PIAS2: variants seen among roughly 807,000 people sequenced by gnomAD.
PIAS2 encodes protein inhibitor of activated STAT 2, also known as E3 SUMO-protein ligase PIAS2.
PIAS2 carries 19 observed loss-of-function variants against 69.7 expected under a neutral mutation model. The ratio of observed to expected loss-of-function variants is 0.27; its 90% confidence interval spans 0.19 to 0.40. The LOEUF (loss-of-function observed/expected upper bound fraction) is 0.40, where lower values mean the gene tolerates loss of function less well. Ranked by LOEUF, PIAS2 falls within the 10% of genes least tolerant of loss-of-function variation. PIAS2 has a pLI of 1.00. For synonymous variants in PIAS2, 261 were observed against 263.2 expected (o/e 0.99, Z 0.08); for missense variants, 624 against 757.0 (o/e 0.82, Z 2.06).
chr18:46,912,174 G>A (rs1013173936), intron 1 of PIAS2, among the ~76,000 whole-genome samples: 3 of 152,196 alleles, frequency 2.0e-5, no homozygotes, highest in Non-Finnish European at 4.4e-5. Flanking sequence ...GAAAGACCAG[G>A]AAGTGAGGAA....
chr18:46,864,157 C>T lies in PIAS2; in HGVS notation c.584+7G>A. ...CATGAGAAATATATTCCAAATATTC[C>T]TCTTACCTGGATATGCATATCTCTC... On this transcript the variant is annotated splice_region_variant and intron_variant, in intron 3 of 13. Transcript: ENST00000585916. The T allele has an allele frequency of 6.7e-7, 1 of 1,485,418 alleles. No individual in the cohort carries two copies. The highest frequency in any genetic ancestry group is 9.2e-7 in the Non-Finnish European group (1 of 1,085,536). The allele number at this position is 1,485,418 out of a possible 1,614,324, so 92.0% of individuals were successfully genotyped here.
chr18:46,835,402 A>G (rs961458248), intron 9 of PIAS2, among the ~76,000 whole-genome samples: 1 of 152,232 alleles, frequency 6.6e-6, no homozygotes, highest in Non-Finnish European at 1.5e-5. Flanking sequence ...AAGGAACATT[A>G]AAGTCCCATT....
chr18:46,903,597 C>T (rs2056194236), intron 1 of PIAS2: 1 of 152,172 alleles, frequency 6.6e-6, no homozygotes, highest in Admixed American at 6.5e-5. Flanking sequence ...TGGATCACTC[C>T]ATACATTGCT....
In PIAS2 at chr18:46,829,751, G is replaced by A. The variant is rs373288546; in HGVS notation, c.1319C>T (p.Pro440Leu). The stretch of plus-strand genomic sequence containing the variant: ...ACACATACTTTCTATTTTTGTACAC[G>A]GTTGGCTGGATACTTTCATAGCTTC... ...KKEAMKVSSQPCTKIESSSVL... is the reference protein window; with the variant it reads ...KKEAMKVSSQLCTKIESSSVL... Residue 440 changes from proline (P) to leucine (L), a missense_variant, in exon 10 of 14, where the codon CCG (proline) becomes CTG (leucine). Coordinates refer to ENST00000585916, the MANE Select transcript of PIAS2 (RefSeq NM_004671.5). The A allele has an allele frequency of 8.1e-6, 13 of 1,612,944 alleles. No homozygotes were observed. The highest frequency in any genetic ancestry group is 1.3e-5 in the African/African-American group (1 of 74,796).
intron 2 of PIAS2, among the ~76,000 whole-genome samples, chr18:46,866,273 T>C (rs1195622478): frequency 6.6e-6 from 1 of 152,222 alleles, no homozygotes; most frequent in East Asian, 1.9e-4. Flanking sequence ...ATAGTCATAC[T>C]ATTGATTATG....
intron 12 of PIAS2, among the ~76,000 whole-genome samples, chr18:46,820,701 C>A (rs1207372713): frequency 6.6e-6 from 1 of 152,090 alleles, no homozygotes; most frequent in African/African-American, 2.4e-5. Context: ...AATAAAATCT[C>A]TAACATTTCC....
At chr18:46,877,068 T>C (rs1052257819) in intron 2 of PIAS2, among the ~76,000 whole-genome samples, 5 of 152,174 alleles carry the variant, frequency 3.3e-5, no homozygotes, top group Non-Finnish European at 2.9e-5. Flanking sequence ...TCCTTACTTC[T>C]CTTGCCTTTG....
At chr18:46,919,969 C>T (rs2058441214), upstream of PIAS2, 1 of 822,618 alleles carries the variant, frequency 1.2e-6, no homozygotes, top group Non-Finnish European at 1.8e-6. Flanking sequence ...TACAATACAG[C>T]CCTGCCACAG....
intron 11 of PIAS2, 135 bp from the exon 12 acceptor site, chr18:46,821,207 G>GCACTC (rs1224239873): frequency 1.3e-6 from 1 of 756,464 alleles, no homozygotes; most frequent in Admixed American, 2.3e-5. Flanking sequence ...TCACTACACA[G>GCACTC]CACTCCACTC....
intron 3 of PIAS2, among the ~76,000 whole-genome samples, chr18:46,858,323 GAAAA>G (rs1305375571): frequency 6.6e-6 from 1 of 151,998 alleles, no homozygotes; most frequent in Non-Finnish European, 1.5e-5. Flanking sequence ...GCATCAAAGA[GAAAA>G]AACTGAATGG....
At chr18:46,878,530 G>T (rs1420045166) in intron 2 of PIAS2, among the ~76,000 whole-genome samples, 1 of 152,064 alleles carries the variant, frequency 6.6e-6, no homozygotes, top group African/African-American at 2.4e-5. Flanking sequence ...CCCCCTGCAA[G>T]CACTATATTG....
At chr18:46,883,462 G>T (rs1236616956) in intron 2 of PIAS2, among the ~76,000 whole-genome samples, 1 of 151,978 alleles carries the variant, frequency 6.6e-6, no homozygotes, top group Non-Finnish European at 1.5e-5. Context: ...CAGCACTTTG[G>T]GGGGCCGGGG....
chr18:46,865,406 G>A (rs1375817882), intron 2 of PIAS2, among the ~76,000 whole-genome samples: 3 of 151,922 alleles, frequency 2.0e-5, no homozygotes, highest in Admixed American at 2.0e-4. Context: ...CAGTCATGGT[G>A]GCACGTGCCT....
At position 46,844,794 on chromosome 18, in the gene PIAS2, TG is replaced by T; in HGVS notation, c.906del (p.Met303CysfsTer6). On this transcript the variant is annotated frameshift_variant, in exon 7 of 14. Coordinates refer to ENST00000585916, the MANE Select transcript of PIAS2 (RefSeq NM_004671.5). LOFTEE classifies it high-confidence loss of function. ...TTCATTTTTAATCTCTGTAATAACA[TG>T]GCTGATGTAAGCTGCCGTACAAGAT... ...SVYLVRQLTS[A>X]MLLQRLKMKG... 6.7e-7 allele frequency: 1 copy of T among 1,493,404 alleles called. No individual in the cohort carries two copies. The allele number at this position is 1,493,404 out of a possible 1,614,324, so 92.5% of individuals were successfully genotyped here.
intron 3 of PIAS2, among the ~76,000 whole-genome samples, chr18:46,860,784 C>T (rs1248064301): frequency 1.3e-5 from 2 of 151,920 alleles, no homozygotes; most frequent in African/African-American, 4.8e-5. Context: ...TGAGACTAGC[C>T]GAGGCAATAC....
chr18:46,868,352 A>T (rs1320179330), intron 2 of PIAS2, among the ~76,000 whole-genome samples: 1 of 152,120 alleles, frequency 6.6e-6, no homozygotes, highest in Non-Finnish European at 1.5e-5. Context: ...CCTTATTTGG[A>T]AAGAGTCCTC....
intron 8 of PIAS2, among the ~76,000 whole-genome samples, chr18:46,839,853 A>G (rs1020284022): frequency 5.3e-5 from 8 of 150,716 alleles, no homozygotes; most frequent in African/African-American, 2.0e-4. Context: ...CGACAAGAGC[A>G]AAACTCTGTC....
At chr18:46,879,301 C>T (rs1345043718) in intron 2 of PIAS2, among the ~76,000 whole-genome samples, 11 of 152,128 alleles carry the variant, frequency 7.2e-5, no homozygotes, top group African/African-American at 2.4e-4. Context: ...CACATGAAAA[C>T]ATGCTCAACA....
intron 9 of PIAS2, among the ~76,000 whole-genome samples, chr18:46,834,223 C>T (rs1374395579): frequency 1.3e-5 from 2 of 152,060 alleles, no homozygotes; most frequent in African/African-American, 4.8e-5. Context: ...AAAATCTCTA[C>T]AACTTTCTAA....
Sources: allele counts gnomAD v4.1 joint callset (sites outside exome capture counted in the v4.1 genomes callset), GRCh38; gene constraint gnomAD v4.1.1; transcripts MANE v1.5; gene names NCBI Gene and HGNC (gene_info 2026-07-23, HGNC 2026-07-21).